SOX6: variants seen among roughly 807,000 people sequenced by gnomAD.
SOX6 encodes transcription factor SOX-6.
SOX6 carries 11 observed loss-of-function variants against 97.8 expected under a neutral mutation model. That is an observed-to-expected ratio of 0.11 (90% CI 0.07 to 0.19). The LOEUF is 0.19. Ranked by LOEUF, SOX6 falls within the 10% of genes least tolerant of loss-of-function variation. The probability of loss-of-function intolerance (pLI) is 1.00; values close to 1 mark genes in which losing one functional copy is unlikely to be tolerated. For missense variants in SOX6, 810 were observed against 1,039.5 expected (o/e 0.78, Z 3.04); for synonymous variants, 360 against 371.4 (o/e 0.97, Z 0.35).
chr11:16,079,752 A>T (rs549572730), intron 9 of SOX6, among the ~76,000 whole-genome samples: 3 of 152,224 alleles, frequency 2.0e-5, no homozygotes, highest in African/African-American at 7.2e-5. Context: ...AGGCAACTTT[A>T]CTAACCATCA....
At chr11:16,544,383 A>G (rs1847589828) in intron 4 of SOX6, among the ~76,000 whole-genome samples, 1 of 152,074 alleles carries the variant, frequency 6.6e-6, no homozygotes, top group Non-Finnish European at 1.5e-5. Flanking sequence ...CTCATTCTCC[A>G]AAGTAGCTGA....
chr11:16,195,750 C>T (rs1344142723), intron 4 of SOX6, among the ~76,000 whole-genome samples: 4 of 152,082 alleles, frequency 2.6e-5, no homozygotes, highest in Admixed American at 2.0e-4. Flanking sequence ...ATGCAGACTC[C>T]GACATTCTCT....
At chr11:16,522,423 C>A (rs1861083774) in intron 4 of SOX6, among the ~76,000 whole-genome samples, 1 of 151,944 alleles carries the variant, frequency 6.6e-6, no homozygotes, top group Non-Finnish European at 1.5e-5. Context: ...TACAGAGAAG[C>A]AAATGCTGAG....
chr11:16,250,325 T>G (rs1278678410), intron 3 of SOX6, among the ~76,000 whole-genome samples: 2 of 152,100 alleles, frequency 1.3e-5, no homozygotes, highest in African/African-American at 4.8e-5. Context: ...CTAAAAGAGC[T>G]TCTGGAGATT....
chr11:16,473,067 G>C (rs1268174924), intron 1 of SOX6, among the ~76,000 whole-genome samples: 4 of 151,970 alleles, frequency 2.6e-5, no homozygotes, highest in Non-Finnish European at 4.4e-5. Flanking sequence ...TTAATTTCAA[G>C]TACTTTAATA....
intron 1 of SOX6, among the ~76,000 whole-genome samples, chr11:16,399,503 T>G (rs1858487517): frequency 1.3e-5 from 2 of 151,278 alleles, no homozygotes; most frequent in African/African-American, 4.8e-5. Flanking sequence ...ACATTATTTT[T>G]AAAGGAAAAT....
rs543630022 is a variant in SOX6 at position 16,192,007 on chromosome 11, T to G, written c.536-5052A>C. ...TATTTTAATTTGACTAAACACCTGA[T>G]TTATTTTATCTCTCCGATGAGAAAG... On this transcript the variant is annotated intron_variant, in intron 4 of 15. Transcript: ENST00000683767. Among the ~76,000 whole-genome samples the G allele has an allele frequency of 2.6e-5, 4 of 152,230 alleles. No homozygotes were observed. The East Asian group carries it at 7.7e-4, about 29-fold the overall frequency.
intron 1 of SOX6, among the ~76,000 whole-genome samples, chr11:16,453,381 G>GTAGTACCC (rs1233691947): frequency 2.6e-5 from 4 of 152,032 alleles, no homozygotes; most frequent in African/African-American, 7.2e-5. Context: ...TAACCCCTGT[G>GTAGTACCC]TAGTACCCAT....
At chr11:16,452,135 C>T (rs904420269) in intron 1 of SOX6, among the ~76,000 whole-genome samples, 2 of 152,032 alleles carry the variant, frequency 1.3e-5, no homozygotes, top group African/African-American at 2.4e-5. Flanking sequence ...ATACATATTG[C>T]TGCATGGAAC....
intron 12 of SOX6, among the ~76,000 whole-genome samples, chr11:16,035,433 G>A (rs942742817): frequency 6.6e-6 from 1 of 152,172 alleles, no homozygotes; most frequent in East Asian, 1.9e-4. Flanking sequence ...TGTGTGAAAT[G>A]CTTTGCAAAC....
intron 4 of SOX6, among the ~76,000 whole-genome samples, chr11:16,557,604 T>C (rs1239071601): frequency 6.6e-6 from 1 of 151,932 alleles, no homozygotes; most frequent in East Asian, 1.9e-4. Flanking sequence ...ATTACTTCTT[T>C]GCTTATATAG....
intron 1 of SOX6, among the ~76,000 whole-genome samples, chr11:16,363,673 T>C (rs925384070): frequency 6.6e-6 from 1 of 152,152 alleles, no homozygotes; most frequent in Non-Finnish European, 1.5e-5. Context: ...ACTTGGTTAC[T>C]AAAAGTCAGT....
In SOX6 at chr11:16,460,665, C is replaced by A. The variant is rs77986593; in HGVS notation, c.-5+15650G>T. ...TATAATATTTGCTGCAACTATATCT[C>A]ATGTGGACAAGGACAGAATGTGGCA... On this transcript the variant is annotated intron_variant, in intron 1 of 15. Transcript: ENST00000396356. Among the ~76,000 whole-genome samples, 49 of 152,184 alleles carry A rather than the reference C, an allele frequency of 3.2e-4. No individual in the cohort carries two copies. The East Asian group carries it at 8.9e-3, about 28-fold the overall frequency.
Position 16,512,626 on chromosome 11 carries a change from T to C in SOX6, n.610-36238A>G, listed in dbSNP as rs530304349. ...TACTAAGTTATTAGTATATAAATAT[T>C]GAAGTTTTTTTTTATCCCAACCATG... On this transcript the variant is annotated intron_variant and non_coding_transcript_variant, in intron 4 of 5. Coordinates refer to the SOX6 transcript ENST00000524520. Among the ~76,000 whole-genome samples, 6 of 152,334 alleles carry C rather than the reference T, an allele frequency of 3.9e-5. No individual in the cohort carries two copies. In the East Asian group the frequency reaches 1.2e-3, roughly 29 times the overall value.
At chr11:16,731,035 A>G (rs1465461491) in intron 2 of SOX6, among the ~76,000 whole-genome samples, 1 of 152,216 alleles carries the variant, frequency 6.6e-6, no homozygotes, top group Non-Finnish European at 1.5e-5. Context: ...ACATCCTCCC[A>G]AGACTAAACC....
intron 6 of SOX6, among the ~76,000 whole-genome samples, chr11:16,124,828 A>G (rs1849570554): frequency 1.3e-5 from 2 of 152,018 alleles, no homozygotes; most frequent in African/African-American, 2.4e-5. Flanking sequence ...CATGAGGAAA[A>G]CTGACTATAA....
Position 16,350,753 on chromosome 11 carries a change from A to G in SOX6, c.-5+5341T>C, listed in dbSNP as rs186460268. Among the ~76,000 whole-genome samples, 7 of 152,296 alleles carry G rather than the reference A, an allele frequency of 4.6e-5. No homozygotes were observed. In the East Asian group the frequency reaches 9.7e-4, roughly 21 times the overall value. On this transcript the variant is annotated intron_variant, in intron 1 of 15. Coordinates refer to ENST00000683767, the MANE Select transcript of SOX6 (RefSeq NM_001367873.1). ...GGGTAAAAGGAGAACTCATTAAAAT[A>G]TTTTGTTTAATTAAAAAACAAGTTA...
chr11:16,390,903 T>G (rs1858155855), intron 1 of SOX6, among the ~76,000 whole-genome samples: 2 of 152,216 alleles, frequency 1.3e-5, no homozygotes, highest in South Asian at 4.1e-4. Context: ...GTATGTTTAT[T>G]GTGGCACTAT....
At chr11:16,078,047 C>A (rs543483897) in intron 9 of SOX6, among the ~76,000 whole-genome samples, 1 of 151,922 alleles carries the variant, frequency 6.6e-6, no homozygotes, top group African/African-American at 2.4e-5. Context: ...GCCTTATTTA[C>A]AGAAATAAAA....
Sources: gnomAD v4.1 joint callset for allele counts (sites outside exome capture counted in the v4.1 genomes callset) on GRCh38, gnomAD v4.1.1 for gene constraint, MANE v1.5 for transcripts, NCBI Gene and HGNC (gene_info 2026-07-23, HGNC 2026-07-21) for gene names.